Variants in CHD7 observed in about 807,000 individuals in gnomAD.
CHD7 encodes chromodomain helicase DNA binding protein 7.
Under a neutral mutation model 307.3 loss-of-function variants are expected in CHD7, and 24 were observed. That is an observed-to-expected ratio of 0.08 (90% CI 0.06 to 0.11). The LOEUF (loss-of-function observed/expected upper bound fraction) is 0.11, where lower values mean the gene tolerates loss of function less well. CHD7 is among the 10% of genes least tolerant of loss of function. The pLI, the probability that CHD7 is intolerant of heterozygous loss-of-function variation, is 1.00. For synonymous variants in CHD7, 1,363 were observed against 1,349.9 expected (o/e 1.01, Z -0.21); for missense variants, 3,106 against 3,727.1 (o/e 0.83, Z 4.34).
chr8:60,754,568 A>G (rs187214618), intron 2 of CHD7, among the ~76,000 whole-genome samples: 1 of 152,318 alleles, frequency 6.6e-6, no homozygotes, highest in African/African-American at 2.4e-5. Context: ...CTTAAAAATC[A>G]ACTTACTAGA....
intron 15 of CHD7, among the ~76,000 whole-genome samples, chr8:60,833,306 A>C (rs1804604330): frequency 6.6e-6 from 1 of 152,216 alleles, no homozygotes; most frequent in Admixed American, 6.5e-5. Context: ...GCTTTATTTC[A>C]ATGGAATTTC....
In CHD7 at chr8:60,696,607, A is replaced by G. The variant is rs150461688; in HGVS notation, c.-175+17525A>G. 4.7e-3 allele frequency among the ~76,000 whole-genome samples: 707 copies of G among 151,926 alleles called. 2 individuals are homozygous for G. Among genetic ancestry groups the G allele is most frequent in the African/African-American group, 0.016 (666 of 41,438 alleles). On this transcript the variant is annotated intron_variant, in intron 1 of 37. Coordinates refer to ENST00000423902, the MANE Select transcript of CHD7 (RefSeq NM_017780.4). ...CACACAACTAATGTTAATTATTTGGATTGCAGGTAGTTTTTTTTTTTTTAA... is the reference window on the plus strand; with the variant it reads ...CACACAACTAATGTTAATTATTTGGGTTGCAGGTAGTTTTTTTTTTTTTAA...
intron 1 of CHD7, among the ~76,000 whole-genome samples, chr8:60,726,018 T>C (rs1808140819): frequency 6.6e-6 from 1 of 152,214 alleles, no homozygotes; most frequent in African/African-American, 2.4e-5. Context: ...TACACAAGTT[T>C]ACTACCAAAA....
At chr8:60,740,378 T>C (rs1163553043) in intron 1 of CHD7, among the ~76,000 whole-genome samples, 3 of 152,236 alleles carry the variant, frequency 2.0e-5, no homozygotes, top group Admixed American at 6.5e-5. Context: ...AAGTATCCAC[T>C]CAACTAGTTT....
chr8:60,802,909 A>G (rs1405747065), intron 6 of CHD7, among the ~76,000 whole-genome samples: 6 of 152,234 alleles, frequency 3.9e-5, no homozygotes, highest in Admixed American at 1.3e-4. Context: ...TTATCGGAAT[A>G]TACATCTCTA....
intron 1 of CHD7, among the ~76,000 whole-genome samples, chr8:60,701,668 A>C (rs1254288076): frequency 2.0e-5 from 3 of 152,224 alleles, no homozygotes; most frequent in Non-Finnish European, 4.4e-5. Context: ...ATTTTTAAAG[A>C]GTGAATTTTA....
At chr8:60,692,592 G>A (rs148170861) in intron 1 of CHD7, among the ~76,000 whole-genome samples, 128 of 152,242 alleles carry the variant, frequency 8.4e-4, no homozygotes, top group African/African-American at 2.9e-3. Context: ...GCATAATTTC[G>A]TGTAAGACAG....
chr8:60,823,822 T>A lies in CHD7; in HGVS notation c.3202-18T>A, dbSNP rs372636359. The A allele has an allele frequency of 4.4e-6, 7 of 1,602,172 alleles. No homozygotes were observed. The African/African-American group carries it at 9.4e-5, about 21-fold the overall frequency. ...GTAACCATTAATGCTTAATAATAAT[T>A]CAGAGTTGTTCTTATAGGGTCGAGT... On this transcript the variant is annotated intron_variant, in intron 12 of 37. Transcript: ENST00000423902.
At chr8:60,716,608 T>G (rs1301302936) in intron 1 of CHD7, among the ~76,000 whole-genome samples, 1 of 152,250 alleles carries the variant, frequency 6.6e-6, no homozygotes, top group Non-Finnish European at 1.5e-5. Context: ...TTGCACCTCC[T>G]TCCTCCAACC....
chr8:60,839,015 C>T (rs1019037137), intron 19 of CHD7, among the ~76,000 whole-genome samples: 1 of 152,240 alleles, frequency 6.6e-6, no homozygotes, highest in Non-Finnish European at 1.5e-5. Flanking sequence ...AATATTGCCA[C>T]AATCTAAGTT....
intron 25 of CHD7, among the ~76,000 whole-genome samples, chr8:60,849,608 A>G (rs964079506): frequency 3.3e-5 from 5 of 152,172 alleles, no homozygotes; most frequent in Non-Finnish European, 7.4e-5. Flanking sequence ...CCTGAGTGGG[A>G]TGCAGCCTTG....
intron 2 of CHD7, among the ~76,000 whole-genome samples, chr8:60,749,430 G>C (rs115206340): frequency 6.8e-6 from 1 of 147,264 alleles, no homozygotes; most frequent in Non-Finnish European, 1.5e-5. Context: ...AGAGTAATTG[G>C]CAACTAAGTA....
intron 2 of CHD7, among the ~76,000 whole-genome samples, chr8:60,771,254 A>G (rs960182730): frequency 2.6e-5 from 4 of 152,230 alleles, no homozygotes; most frequent in Non-Finnish European, 4.4e-5. Context: ...ATTTTAAAGT[A>G]TACATTAGTT....
intron 1 of CHD7, among the ~76,000 whole-genome samples, chr8:60,722,021 C>T (rs1807933991): frequency 2.0e-5 from 3 of 152,220 alleles, no homozygotes; most frequent in Admixed American, 6.5e-5. Context: ...AAATGAAATG[C>T]TGAAGTATTC....
chr8:60,844,960 C>T lies in CHD7; in HGVS notation c.4947C>T (p.Tyr1649=). The T allele has an allele frequency of 6.2e-7, 1 of 1,613,776 alleles. No individual in the cohort carries two copies. The highest frequency in any genetic ancestry group is 1.1e-5 in the South Asian group (1 of 91,064). ...CCATCTGCAGAACCATCCTGGTGTA[C>T]TGTCTTAATCATTACAAAGGGGATG... ...VETICRTILV[Y]CLNHYKGDEN... The change falls in exon 22 of 38, where the codon TAC becomes TAT. Residue 1649 remains tyrosine (Y), a synonymous_variant. Coordinates refer to ENST00000423902, the MANE Select transcript of CHD7 (RefSeq NM_017780.4).
intron 4 of CHD7, 77 bp from the exon 5 acceptor site, chr8:60,800,311 C>A (rs1211436142): frequency 2.7e-6 from 4 of 1,466,198 alleles, no homozygotes; most frequent in Non-Finnish European, 3.7e-6. Context: ...GGATTACAGG[C>A]GTGAGCCACT....
intron 8 of CHD7, among the ~76,000 whole-genome samples, chr8:60,817,694 C>A (rs1050865147): frequency 6.6e-5 from 10 of 152,310 alleles, no homozygotes; most frequent in Middle Eastern, 3.4e-3. Context: ...GAGGAAAATT[C>A]TTTTGAAGAA....
Position 60,837,038 on chromosome 8 carries a change from C to T in CHD7, c.4185+26C>T, listed in dbSNP as rs753680175. 16 of 1,558,638 alleles carry T rather than the reference C, an allele frequency of 1.0e-5. 1 individual carries two copies. In the South Asian group the frequency reaches 1.9e-4, roughly 18 times the overall value. On this transcript the variant is annotated intron_variant, in intron 17 of 37. Transcript: ENST00000423902. ...GTAAATGCACAAGAAAGTCCTGATG[C>T]CTTTAAAAAGGAAGTCATTCTGCTT...
intron 6 of CHD7, among the ~76,000 whole-genome samples, chr8:60,807,135 G>T (rs1228302882): frequency 6.6e-6 from 1 of 152,226 alleles, no homozygotes; most frequent in South Asian, 2.1e-4. Flanking sequence ...GAGGGGACTA[G>T]TACCTTTGAA....
Sources: gnomAD v4.1 joint callset for allele counts (sites outside exome capture counted in the v4.1 genomes callset) on GRCh38, gnomAD v4.1.1 for gene constraint, MANE v1.5 for transcripts, NCBI Gene and HGNC (gene_info 2026-07-23, HGNC 2026-07-21) for gene names.